CACNA2D3: variants seen among roughly 807,000 people sequenced by gnomAD.
The protein encoded by CACNA2D3 is voltage-dependent calcium channel subunit alpha-2/delta-3.
In CACNA2D3, 60 loss-of-function variants were observed where a neutral mutation model predicts 160.6. That is an observed-to-expected ratio of 0.37 (90% CI 0.30 to 0.46). The LOEUF (loss-of-function observed/expected upper bound fraction) is 0.46, where lower values mean the gene tolerates loss of function less well. CACNA2D3 is among the 20% of genes least tolerant of loss of function. The pLI is 1.00. For missense variants in CACNA2D3, 1,205 were observed against 1,365.0 expected (o/e 0.88, Z 1.85); for synonymous variants, 558 against 492.9 (o/e 1.13, Z -1.75).
chr3:54,289,930 T>A (rs1396336433), intron 2 of CACNA2D3, among the ~76,000 whole-genome samples: 6 of 152,066 alleles, frequency 3.9e-5, no homozygotes, highest in African/African-American at 1.4e-4. Context: ...AAGATTTACA[T>A]GTTAGACCTA....
intron 3 of CACNA2D3, among the ~76,000 whole-genome samples, chr3:54,340,508 G>A (rs1224852314): frequency 6.6e-6 from 1 of 152,212 alleles, no homozygotes; most frequent in African/African-American, 2.4e-5. Flanking sequence ...AATATAAAGT[G>A]AAACAGAAAA....
intron 3 of CACNA2D3, among the ~76,000 whole-genome samples, chr3:54,353,142 T>C (rs2359790): frequency 0.25 from 38,305 of 152,156 alleles, 4,900 homozygotes; most frequent in Admixed American, 0.31. Flanking sequence ...CCATCCCCAC[T>C]TCCCCCACTA....
chr3:54,918,583 G>T, intron 27 of CACNA2D3: 1 of 1,614,118 alleles, frequency 6.2e-7, no homozygotes, highest in Non-Finnish European at 8.5e-7. Flanking sequence ...GATGGCAGCT[G>T]CCAACATCAT....
chr3:55,049,170 G>T (rs868347769), intron 35 of CACNA2D3, among the ~76,000 whole-genome samples: 5,666 of 150,148 alleles, frequency 0.038, 310 homozygotes, highest in African/African-American at 0.12. Flanking sequence ...GCTCTTGCTT[G>T]TCTAGTTCTT....
intron 27 of CACNA2D3, among the ~76,000 whole-genome samples, chr3:54,963,857 A>C (rs142633125): frequency 2.6e-5 from 4 of 152,248 alleles, no homozygotes; most frequent in African/African-American, 7.2e-5. Flanking sequence ...GGAGGAAGGG[A>C]GGGTAAAAGT....
At chr3:54,517,532 C>T (rs1701572030) in intron 5 of CACNA2D3, among the ~76,000 whole-genome samples, 1 of 152,230 alleles carries the variant, frequency 6.6e-6, no homozygotes, top group African/African-American at 2.4e-5. Flanking sequence ...TCGCAGACCA[C>T]AGGCTGTGCC....
rs534790663 is a variant in CACNA2D3, at chr3:54,921,990, T to C, written c.2449+22122T>C. On this transcript the variant is annotated intron_variant, in intron 27 of 37. Coordinates refer to ENST00000474759, the MANE Select transcript of CACNA2D3 (RefSeq NM_018398.3). ...TCAATATATCTATAATCAGACTGTC[T>C]CCCATGTTTGACACATATTTGGATT... Among the ~76,000 whole-genome samples, 5 of 151,644 alleles carry C rather than the reference T, an allele frequency of 3.3e-5. No homozygotes were observed. In the East Asian group the frequency reaches 9.6e-4, roughly 29 times the overall value.
At chr3:54,747,627 T>C (rs1322266784) in intron 11 of CACNA2D3, among the ~76,000 whole-genome samples, 1 of 152,128 alleles carries the variant, frequency 6.6e-6, no homozygotes, top group Non-Finnish European at 1.5e-5. Context: ...GTGGCACCCA[T>C]TGTATCTCCA....
chr3:54,979,948 A>G (rs1288620355), intron 29 of CACNA2D3, among the ~76,000 whole-genome samples: 1 of 152,236 alleles, frequency 6.6e-6, no homozygotes, highest in Non-Finnish European at 1.5e-5. Flanking sequence ...CAAATCTTAC[A>G]TAACAATTAT....
At chr3:54,864,011 C>T (rs1304904393) in intron 17 of CACNA2D3, among the ~76,000 whole-genome samples, 2 of 152,076 alleles carry the variant, frequency 1.3e-5, no homozygotes, top group African/African-American at 4.8e-5. Flanking sequence ...CGAATAGAGG[C>T]TCATTGGCAT....
At chr3:54,976,056 TACACACACACACAC>T (rs3841944) in intron 29 of CACNA2D3, among the ~76,000 whole-genome samples, 66 of 145,060 alleles carry the variant, frequency 4.5e-4, no homozygotes, top group South Asian at 4.0e-3. Context: ...TAGATATAGA[TACACACACACACAC>T]ACACACACAC....
chr3:54,906,317 G>A (rs993740136), intron 27 of CACNA2D3, among the ~76,000 whole-genome samples: 7 of 152,260 alleles, frequency 4.6e-5, no homozygotes, highest in African/African-American at 1.7e-4. Flanking sequence ...ATTAAGAGAT[G>A]AAATGTGGTT....
chr3:54,581,950 A>T, intron 9 of CACNA2D3, 73 bp downstream of exon 9: 2 of 1,278,300 alleles, frequency 1.6e-6, no homozygotes, highest in Non-Finnish European at 2.2e-6. Flanking sequence ...TTTCACAATA[A>T]ATCTGTCTTA....
chr3:54,793,342 CTGTT>C (rs1318065872), intron 13 of CACNA2D3, among the ~76,000 whole-genome samples: 5 of 152,226 alleles, frequency 3.3e-5, no homozygotes, highest in African/African-American at 1.2e-4. Context: ...CTCTGTGCAA[CTGTT>C]TGGCAAGGGT....
At chr3:54,255,639 C>A (rs1367438492) in intron 2 of CACNA2D3, among the ~76,000 whole-genome samples, 1 of 152,124 alleles carries the variant, frequency 6.6e-6, no homozygotes, top group East Asian at 1.9e-4. Flanking sequence ...ACTCCCATTG[C>A]CGGTAACAAA....
At chr3:55,043,237 G>A (rs1703995699) in intron 35 of CACNA2D3, among the ~76,000 whole-genome samples, 1 of 151,914 alleles carries the variant, frequency 6.6e-6, no homozygotes. Context: ...GCACTGTAGG[G>A]GAGTTCCAGG....
At chr3:54,262,013 C>T (rs961340301) in intron 2 of CACNA2D3, among the ~76,000 whole-genome samples, 1 of 152,028 alleles carries the variant, frequency 6.6e-6, no homozygotes, top group Non-Finnish European at 1.5e-5. Flanking sequence ...GCTGTGAATG[C>T]AGTTGGGGAT....
At chr3:54,487,136 G>A (rs1308984791) in intron 4 of CACNA2D3, among the ~76,000 whole-genome samples, 1 of 152,166 alleles carries the variant, frequency 6.6e-6, no homozygotes, top group African/African-American at 2.4e-5. Context: ...AGAGGCCAAG[G>A]TGGGAGGATC....
chr3:54,986,243 A>G (rs1027880224), intron 30 of CACNA2D3, among the ~76,000 whole-genome samples: 2 of 152,258 alleles, frequency 1.3e-5, no homozygotes, highest in South Asian at 2.1e-4. Context: ...TGTTTCAGCC[A>G]TGAGCAGCCA....
Sources: allele counts gnomAD v4.1 joint callset (sites outside exome capture counted in the v4.1 genomes callset), GRCh38; gene constraint gnomAD v4.1.1; transcripts MANE v1.5; gene names NCBI Gene and HGNC (gene_info 2026-07-23, HGNC 2026-07-21).